Variants in PALM2AKAP2 observed in about 807,000 individuals in gnomAD.
PALM2AKAP2 encodes the protein PALM2-AKAP2 fusion protein.
A neutral mutation model predicts 71.5 loss-of-function variants in PALM2AKAP2; 37 were observed. The ratio of observed to expected loss-of-function variants is 0.52; its 90% CI spans 0.40 to 0.68. PALM2AKAP2 has a LOEUF of 0.68. PALM2AKAP2 is among the 30% of genes least tolerant of loss of function. The pLI is 0.00. For missense variants in PALM2AKAP2, 1,224 were observed against 1,191.8 expected (o/e 1.03, Z -0.40); for synonymous variants, 468 against 478.8 (o/e 0.98, Z 0.29).
chr9:109,923,624 A>T (rs1308561699), intron 3 of PALM2AKAP2, 111 bp from the exon 4 acceptor site: 11 of 1,218,194 alleles, frequency 9.0e-6, no homozygotes, highest in Non-Finnish European at 5.7e-6. Context: ...AGCGTAATGT[A>T]AAACAAAGGC....
At chr9:109,787,911 G>A (rs1827011636) in intron 1 of PALM2AKAP2, among the ~76,000 whole-genome samples, 1 of 152,156 alleles carries the variant, frequency 6.6e-6, no homozygotes, top group South Asian at 2.1e-4. Context: ...GATTTCATAA[G>A]GATACTGTGA....
chr9:110,082,331 A>G (rs1336676224), intron 1 of PALM2AKAP2, among the ~76,000 whole-genome samples: 1 of 152,166 alleles, frequency 6.6e-6, no homozygotes, highest in African/African-American at 2.4e-5. Flanking sequence ...GCTGGGATTT[A>G]CAGGCTTGAG....
At chr9:109,988,166 A>G (rs1832413954) in intron 6 of PALM2AKAP2, among the ~76,000 whole-genome samples, 2 of 152,234 alleles carry the variant, frequency 1.3e-5, no homozygotes, top group African/African-American at 4.8e-5. Flanking sequence ...TCCCTAACAA[A>G]GCTAAGTTTC....
chr9:109,776,133 C>A (rs1465728246), upstream of PALM2AKAP2, among the ~76,000 whole-genome samples: 2 of 152,152 alleles, frequency 1.3e-5, no homozygotes, highest in East Asian at 3.8e-4. Flanking sequence ...AATACCAGGC[C>A]ATGGCCAAAC....
intron 1 of PALM2AKAP2, among the ~76,000 whole-genome samples, chr9:109,707,758 T>G (rs974064388): frequency 6.6e-6 from 1 of 152,202 alleles, no homozygotes; most frequent in Non-Finnish European, 1.5e-5. Context: ...TTTGATACAG[T>G]CAGCAAGGAA....
chr9:109,965,655 G>A (rs377196587), intron 6 of PALM2AKAP2, among the ~76,000 whole-genome samples: 20 of 152,274 alleles, frequency 1.3e-4, no homozygotes, highest in African/African-American at 4.6e-4. Context: ...AATGGCTGGC[G>A]GTGATGGTTG....
intron 1 of PALM2AKAP2, among the ~76,000 whole-genome samples, chr9:109,782,538 G>A (rs894672234): frequency 7.2e-5 from 11 of 152,140 alleles, no homozygotes; most frequent in African/African-American, 2.4e-4. Context: ...CATTTACAGT[G>A]TATTAGGTAT....
chr9:109,780,458 TC>T (rs1292204965), exon 1 of PALM2AKAP2: 4 of 1,612,952 alleles, frequency 2.5e-6, no homozygotes, highest in Non-Finnish European at 2.5e-6. Context: ...TTTTCTTTCC[TC>T]TTTCCCCTGC....
chr9:109,829,684 T>C (rs1828246222), intron 1 of PALM2AKAP2, among the ~76,000 whole-genome samples: 1 of 151,650 alleles, frequency 6.6e-6, no homozygotes, highest in Non-Finnish European at 1.5e-5. Flanking sequence ...ACATCCTCTC[T>C]CCTGGCCAGA....
intron 1 of PALM2AKAP2, among the ~76,000 whole-genome samples, chr9:109,836,880 G>GA (rs1259452012): frequency 2.0e-5 from 3 of 152,168 alleles, no homozygotes; most frequent in East Asian, 1.9e-4. Flanking sequence ...GCGACTATGT[G>GA]AAAAAAACAA....
At chr9:109,751,560 C>T (rs183288091) in intron 1 of PALM2AKAP2, among the ~76,000 whole-genome samples, 2 of 151,790 alleles carry the variant, frequency 1.3e-5, no homozygotes, top group East Asian at 1.9e-4. Context: ...AATAGTAAAT[C>T]GTTTCTGAGA....
At chr9:109,851,962 G>A (rs1275423273) in intron 1 of PALM2AKAP2, among the ~76,000 whole-genome samples, 2 of 152,038 alleles carry the variant, frequency 1.3e-5, no homozygotes, top group Non-Finnish European at 2.9e-5. Context: ...AACTAGCCAC[G>A]AGAAAGCAAC....
At chr9:109,713,876 C>G (rs1828278109) in intron 1 of PALM2AKAP2, among the ~76,000 whole-genome samples, 2 of 152,164 alleles carry the variant, frequency 1.3e-5, no homozygotes, top group African/African-American at 2.4e-5. Context: ...GAATGTACAA[C>G]ACAAAGAATA....
intron 1 of PALM2AKAP2, among the ~76,000 whole-genome samples, chr9:109,754,814 A>G (rs962300279): frequency 6.6e-6 from 1 of 152,126 alleles, no homozygotes; most frequent in Non-Finnish European, 1.5e-5. Flanking sequence ...TACTCCCCGA[A>G]GGCCTCAACT....
chr9:110,047,304 T>A (rs1427544620), upstream of PALM2AKAP2, among the ~76,000 whole-genome samples: 1 of 152,224 alleles, frequency 6.6e-6, no homozygotes, highest in Non-Finnish European at 1.5e-5. Context: ...GACTTCATCC[T>A]CTTCCTTGGG....
At chr9:110,082,514 G>A (rs944473034) in intron 1 of PALM2AKAP2, among the ~76,000 whole-genome samples, 3 of 152,096 alleles carry the variant, frequency 2.0e-5, no homozygotes, top group Non-Finnish European at 4.4e-5. Context: ...TAATTCTTAC[G>A]TACAATAAAG....
exon 1 of PALM2AKAP2, chr9:109,640,862 A>T: frequency 1.3e-6 from 2 of 1,517,858 alleles, no homozygotes; most frequent in Non-Finnish European, 1.8e-6. Context: ...GAGCCCCGCG[A>T]TGGAGTGAGT....
chr9:110,142,502 G>C (rs1302106798), intron 2 of PALM2AKAP2, among the ~76,000 whole-genome samples: 1 of 152,172 alleles, frequency 6.6e-6, no homozygotes, highest in East Asian at 1.9e-4. Context: ...GAACTTAATG[G>C]TTCAGTAAGA....
chr9:109,846,913 A>C (rs1301063557), intron 1 of PALM2AKAP2, among the ~76,000 whole-genome samples: 1 of 152,188 alleles, frequency 6.6e-6, no homozygotes, highest in Admixed American at 6.5e-5. Flanking sequence ...GTTGGCCAGG[A>C]CAGCACTTCG....
Sources: gnomAD v4.1 joint callset for allele counts (sites outside exome capture counted in the v4.1 genomes callset) on GRCh38, gnomAD v4.1.1 for gene constraint, MANE v1.5 for transcripts, NCBI Gene and HGNC (gene_info 2026-07-23, HGNC 2026-07-21) for gene names.